Variants in ASIC2 observed in about 807,000 individuals in gnomAD.
The protein encoded by ASIC2 is acid sensing ion channel subunit 2.
In ASIC2, 25 loss-of-function variants were observed where a neutral mutation model predicts 57.3. That is an observed-to-expected ratio of 0.44 (90% CI 0.32 to 0.61). The LOEUF (loss-of-function observed/expected upper bound fraction) is 0.61. Among genes scored for constraint, ASIC2 ranks in the 20% least tolerant of loss-of-function variants. The pLI, the probability that ASIC2 is intolerant of heterozygous loss-of-function variation, is 0.06. For synonymous variants in ASIC2, 319 were observed against 307.5 expected (o/e 1.04, Z -0.39); for missense variants, 641 against 738.1 (o/e 0.87, Z 1.52).
chr17:33,051,219 T>C (rs924269881), intron 3 of ASIC2, among the ~76,000 whole-genome samples: 1 of 152,148 alleles, frequency 6.6e-6, no homozygotes, highest in African/African-American at 2.4e-5. Flanking sequence ...ATTTTACAGA[T>C]TGAAGACAGA....
At chr17:33,579,176 C>T (rs1916770413) in intron 1 of ASIC2, among the ~76,000 whole-genome samples, 1 of 151,312 alleles carries the variant, frequency 6.6e-6, no homozygotes, top group Non-Finnish European at 1.5e-5. Context: ...ATCCCAGCTA[C>T]TTGAGAGGCT....
chr17:33,338,231 G>T (rs1046774148), intron 1 of ASIC2, among the ~76,000 whole-genome samples: 10 of 152,074 alleles, frequency 6.6e-5, no homozygotes, highest in African/African-American at 2.4e-4. Context: ...AGGTTTCTCT[G>T]AGGTGTTCTG....
At chr17:33,910,237 G>A (rs1010769002) in intron 1 of ASIC2, among the ~76,000 whole-genome samples, 40 of 152,176 alleles carry the variant, frequency 2.6e-4, no homozygotes, top group Non-Finnish European at 5.7e-4. Context: ...ACAGACATTA[G>A]AAAATAACAA....
At chr17:33,742,147 G>A (rs1413702498) in intron 1 of ASIC2, among the ~76,000 whole-genome samples, 1 of 152,146 alleles carries the variant, frequency 6.6e-6, no homozygotes, top group Non-Finnish European at 1.5e-5. Context: ...TGTTCATATC[G>A]ATCTGGATAT....
chr17:34,099,176 GAA>G (rs1567821000), intron 1 of ASIC2, among the ~76,000 whole-genome samples: 1 of 12,406 alleles, frequency 8.1e-5, no homozygotes, highest in African/African-American at 1.7e-4. Flanking sequence ...AAGAAAGAAA[GAA>G]AGAAAGAAAG....
chr17:33,910,588 TG>T (rs967624777), intron 1 of ASIC2, among the ~76,000 whole-genome samples: 4 of 152,220 alleles, frequency 2.6e-5, no homozygotes, highest in Non-Finnish European at 4.4e-5. Context: ...TGCATTTTTA[TG>T]GGTCATCTTT....
At chr17:33,617,149 A>G (rs1905632235) in intron 1 of ASIC2, among the ~76,000 whole-genome samples, 1 of 152,248 alleles carries the variant, frequency 6.6e-6, no homozygotes, top group African/African-American at 2.4e-5. Flanking sequence ...GTTTACAGCA[A>G]TCCCATTATT....
intron 1 of ASIC2, among the ~76,000 whole-genome samples, chr17:33,263,482 G>C (rs1458761644): frequency 6.6e-6 from 1 of 152,222 alleles, no homozygotes; most frequent in Non-Finnish European, 1.5e-5. Context: ...CTGAGCAGGG[G>C]AGGAGGCGCT....
chr17:33,335,954 G>T (rs1340214839), intron 1 of ASIC2, among the ~76,000 whole-genome samples: 3 of 152,154 alleles, frequency 2.0e-5, no homozygotes, highest in Non-Finnish European at 4.4e-5. Flanking sequence ...TTGAATAGGG[G>T]TGATATTTGA....
chr17:34,094,567 A>G (rs1218467797), intron 1 of ASIC2, among the ~76,000 whole-genome samples: 2 of 152,198 alleles, frequency 1.3e-5, no homozygotes, highest in Non-Finnish European at 2.9e-5. Flanking sequence ...GGATGCTGCA[A>G]TTCAAACCCA....
At chr17:33,675,955 G>C (rs764315948) in intron 1 of ASIC2, among the ~76,000 whole-genome samples, 1 of 152,162 alleles carries the variant, frequency 6.6e-6, no homozygotes, top group South Asian at 2.1e-4. Context: ...GCAATCCAGC[G>C]TCAAGCAAGA....
At chr17:33,146,672 G>A (rs940547547) in intron 1 of ASIC2, among the ~76,000 whole-genome samples, 5 of 152,214 alleles carry the variant, frequency 3.3e-5, no homozygotes, top group Non-Finnish European at 7.3e-5. Flanking sequence ...TCTGGAGCTC[G>A]GAGACCTCTG....
intron 1 of ASIC2, among the ~76,000 whole-genome samples, chr17:33,697,267 T>G (rs529237855): frequency 1.2e-4 from 18 of 152,216 alleles, no homozygotes; most frequent in Non-Finnish European, 2.5e-4. Context: ...CAGGTATCTC[T>G]TTATAGCAAT....
At chr17:33,157,183 C>T (rs1468978230) in intron 1 of ASIC2, among the ~76,000 whole-genome samples, 1 of 152,132 alleles carries the variant, frequency 6.6e-6, no homozygotes, top group Non-Finnish European at 1.5e-5. Flanking sequence ...GAGTTCATTA[C>T]CTTGCTTGTC....
intron 1 of ASIC2, chr17:33,792,123 A>C (rs1195591322): frequency 6.6e-6 from 1 of 152,138 alleles, no homozygotes; most frequent in Non-Finnish European, 1.5e-5. Flanking sequence ...TACATGTTTA[A>C]TAGGATGTTG....
intron 1 of ASIC2, among the ~76,000 whole-genome samples, chr17:33,885,707 T>C (rs1485367954): frequency 1.3e-5 from 2 of 152,206 alleles, no homozygotes; most frequent in Non-Finnish European, 2.9e-5. Flanking sequence ...TTATGTCCAA[T>C]TAAAAGTCAG....
intron 1 of ASIC2, among the ~76,000 whole-genome samples, chr17:33,590,427 A>G (rs1394054077): frequency 6.6e-6 from 1 of 152,168 alleles, no homozygotes; most frequent in Non-Finnish European, 1.5e-5. Context: ...AGCCCCCTGC[A>G]CAGGTACTTC....
rs377386208 is a variant in ASIC2 at position 33,639,761 on chromosome 17, G to GGAA, written c.555+516216_555+516217insTTC. Reference sequence around the variant, plus strand: ...AGGGTGGGCAGAAAGCTCAGGTTAAGAAAAAAAAAAAAAAAAAGCGGAACA... The same window carrying GGAA: ...AGGGTGGGCAGAAAGCTCAGGTTAAGGAAAAAAAAAAAAAAAAAAAGCGGAACA... On this transcript the variant is annotated intron_variant, in intron 1 of 9. Coordinates refer to the ASIC2 transcript ENST00000359872. Among the ~76,000 whole-genome samples, 16 of 125,140 alleles carry GGAA rather than the reference G, an allele frequency of 1.3e-4. No individual in the cohort carries two copies. In the South Asian group the frequency reaches 1.6e-3, roughly 12 times the overall value. 82.1% of individuals were successfully genotyped at this position (125,140 alleles called of 152,430 possible).
At chr17:33,316,211 C>T (rs1314149267) in intron 1 of ASIC2, among the ~76,000 whole-genome samples, 1 of 152,210 alleles carries the variant, frequency 6.6e-6, no homozygotes, top group Admixed American at 6.5e-5. Context: ...CCTCCACTGG[C>T]ATCAGAGAGA....
Sources: allele counts gnomAD v4.1 joint callset (sites outside exome capture counted in the v4.1 genomes callset), GRCh38; gene constraint gnomAD v4.1.1; transcripts MANE v1.5; gene names NCBI Gene and HGNC (gene_info 2026-07-23, HGNC 2026-07-21).